TECPR1: variants seen among roughly 807,000 people sequenced by gnomAD.
TECPR1 encodes tectonin beta-propeller repeat containing 1, also known as tectonin beta-propeller repeat-containing protein 1.
A neutral mutation model predicts 162.4 loss-of-function variants in TECPR1; 122 were observed. That is an observed-to-expected ratio of 0.75 (90% CI 0.65 to 0.87). TECPR1 has a LOEUF of 0.87. Ranked by LOEUF, TECPR1 falls within the 40% of genes least tolerant of loss-of-function variation. The pLI is 0.00. For synonymous variants in TECPR1, 642 were observed against 670.6 expected (o/e 0.96, Z 0.66); for missense variants, 1,432 against 1,618.2 (o/e 0.88, Z 1.97).
intron 2 of TECPR1, 120 bp from the exon 3 acceptor site, chr7:98,246,285 T>C (rs1184742107): frequency 2.4e-5 from 15 of 631,766 alleles, no homozygotes; most frequent in South Asian, 2.2e-4. Flanking sequence ...TTTTTTTTTT[T>C]AGATGGAGTC....
intron 15 of TECPR1, among the ~76,000 whole-genome samples, chr7:98,230,154 G>A (rs549843713): frequency 6.6e-6 from 1 of 151,826 alleles, no homozygotes; most frequent in East Asian, 1.9e-4. Flanking sequence ...ATGACACCAT[G>A]CCTTGCTAAC....
intron 10 of TECPR1, among the ~76,000 whole-genome samples, chr7:98,235,342 G>A (rs916549750): frequency 2.0e-5 from 3 of 152,082 alleles, no homozygotes; most frequent in African/African-American, 4.8e-5. Context: ...TGGCTAACAC[G>A]GTGAAACCTG....
At chr7:98,224,668 C>T (rs1798229592) in intron 19 of TECPR1, 133 bp downstream of exon 19, 2 of 860,376 alleles carry the variant, frequency 2.3e-6, no homozygotes, top group Non-Finnish European at 3.5e-6. Context: ...AGGGCTGGCA[C>T]CAGGGGTCTG....
intron 11 of TECPR1, chr7:98,233,181 AG>A: frequency 1.3e-6 from 1 of 772,952 alleles, no homozygotes; most frequent in Non-Finnish European, 1.9e-6. Flanking sequence ...AGCACAGGGG[AG>A]GGGCTGCAGA....
At chr7:98,245,620 C>T (rs772630607) in intron 3 of TECPR1, among the ~76,000 whole-genome samples, 8 of 152,110 alleles carry the variant, frequency 5.3e-5, no homozygotes, top group South Asian at 2.1e-4. Context: ...TAAAGGTGCA[C>T]ACCACCACAC....
intron 8 of TECPR1, 146 bp downstream of exon 8, chr7:98,240,705 G>A: frequency 2.8e-6 from 2 of 709,874 alleles, no homozygotes; most frequent in Non-Finnish European, 4.5e-6. Flanking sequence ...GTGAGCCACT[G>A]CACCCGGCCT....
In TECPR1 at chr7:98,246,177, G is replaced by A. The variant is rs1164581943; in HGVS notation, c.-19-12C>T. 5.9e-6 allele frequency: 9 copies of A among 1,523,134 alleles called. No individual in the cohort carries two copies. The Admixed American group carries it at 5.9e-5, about 10-fold the overall frequency. 94.4% of individuals were successfully genotyped at this position (1,523,134 alleles called of 1,614,324 possible). On this transcript the variant is annotated splice_polypyrimidine_tract_variant and intron_variant, in intron 2 of 25. Transcript: ENST00000447648. ...CGGCTGGAGGTAACCTGCGGCAGGA[G>A]GACGAGGGCCAGCGTTCAGGCTCCC...
intron 2 of TECPR1, among the ~76,000 whole-genome samples, chr7:98,247,285 G>A (rs1484374404): frequency 6.6e-6 from 1 of 151,922 alleles, no homozygotes; most frequent in Admixed American, 6.6e-5. Flanking sequence ...CAACAGACAT[G>A]CACCACCATA....
At chr7:98,247,704 C>T (rs1232455954) in intron 2 of TECPR1, among the ~76,000 whole-genome samples, 1 of 152,018 alleles carries the variant, frequency 6.6e-6, no homozygotes, top group Non-Finnish European at 1.5e-5. Flanking sequence ...CCATTCTCTA[C>T]TCCTTTCTTT....
At chr7:98,230,639 G>A (rs1798406496) in intron 15 of TECPR1, among the ~76,000 whole-genome samples, 1 of 152,118 alleles carries the variant, frequency 6.6e-6, no homozygotes. Flanking sequence ...GTGGAGAGAC[G>A]TGGCTGCTTT....
rs202193266 is a variant in TECPR1 at position 98,241,212 on chromosome 7, G to A, written c.690C>T (p.Asn230=). 6.2e-6 allele frequency: 10 copies of A among 1,612,790 alleles called. No individual in the cohort carries two copies. The highest frequency in any genetic ancestry group is 2.2e-5 in the East Asian group (1 of 44,882). ...GCAGGGACCAGGAGGACCCTTCGGG[G>A]TTGGAGTGGCTGACGTCCTCTCTGT... is the stretch of plus-strand genomic sequence containing the variant. ...VWYREDVSHS[N]PEGSSWSLLD... The change falls in exon 7 of 26, where the codon AAC becomes AAT. Residue 230 remains asparagine, a synonymous_variant. Coordinates refer to ENST00000447648, the MANE Select transcript of TECPR1 (RefSeq NM_015395.3). This position sits in a 1 kb window ranked among gnomAD's most constrained non-coding sequence, Gnocchi z 5.0.
chr7:98,228,865 C>T (rs1798347056), intron 16 of TECPR1, 174 bp downstream of exon 16: 1 of 913,378 alleles, frequency 1.1e-6, no homozygotes, highest in East Asian at 2.7e-5. Flanking sequence ...GAAGTGGGTA[C>T]TGGCAGGGAC....
At chr7:98,237,227 C>T (rs1798628339) in intron 9 of TECPR1, among the ~76,000 whole-genome samples, 1 of 152,142 alleles carries the variant, frequency 6.6e-6, no homozygotes, top group South Asian at 2.1e-4. Context: ...GCCTCCCTGT[C>T]TTGCGTGTGC....
intron 11 of TECPR1, chr7:98,233,216 G>T: frequency 1.2e-6 from 1 of 811,392 alleles, no homozygotes; most frequent in Non-Finnish European, 1.8e-6. Flanking sequence ...ACTGGCCACC[G>T]TGCTTCCAGG....
At position 98,230,913 on chromosome 7, in the gene TECPR1, C is replaced by T. The variant is rs764678728; in HGVS notation, c.2282+48G>A. On this transcript the variant is annotated intron_variant, in intron 15 of 25. Transcript: ENST00000447648. ...GATCCCCCTTCTGTAACCACGAGCTCGGGGTGAGGCCAGGCCCCAGACCCC... is the reference window on the plus strand; with the variant it reads ...GATCCCCCTTCTGTAACCACGAGCTTGGGGTGAGGCCAGGCCCCAGACCCC... The T allele has an allele frequency of 1.1e-5, 17 of 1,575,248 alleles. No individual in the cohort carries two copies. The East Asian group carries it at 2.5e-4, about 23-fold the overall frequency.
intron 2 of TECPR1, among the ~76,000 whole-genome samples, chr7:98,248,680 GA>G (rs72145133): frequency 0.19 from 27,866 of 149,110 alleles, 2,724 homozygotes; most frequent in South Asian, 0.29. Flanking sequence ...CATCTTTACT[GA>G]AAAAAAAAGG....
chr7:98,243,399 T>G, intron 6 of TECPR1, 68 bp downstream of exon 6: 1 of 1,583,516 alleles, frequency 6.3e-7, no homozygotes, highest in Non-Finnish European at 8.6e-7. Flanking sequence ...ACCCAGGGGG[T>G]GCACAGGACA....
In TECPR1 at chr7:98,245,557, G is replaced by T. The variant is rs975064335; in HGVS notation, c.225+365C>A. Among the ~76,000 whole-genome samples, 38 of 152,122 alleles carry T rather than the reference G, an allele frequency of 2.5e-4. 1 individual carries two copies. Among genetic ancestry groups the T allele is most frequent in the Admixed American group, 2.0e-3 (31 of 15,274 alleles). On this transcript the variant is annotated intron_variant, in intron 3 of 25. Coordinates refer to ENST00000447648, the MANE Select transcript of TECPR1 (RefSeq NM_015395.3). The stretch of plus-strand genomic sequence containing the variant: ...CACGATTATGGCTCACTACAGCCTT[G>T]ACCTCCCTGGCTCAAGTGATCCTCC...
intron 8 of TECPR1, 54 bp from the exon 9 acceptor site, chr7:98,238,664 T>A: frequency 7.0e-7 from 1 of 1,433,766 alleles, no homozygotes; most frequent in Non-Finnish European, 9.6e-7. Flanking sequence ...AAACAGACGG[T>A]TCGTTCGTTT....
Sources: allele counts gnomAD v4.1 joint callset (sites outside exome capture counted in the v4.1 genomes callset), GRCh38; gene constraint gnomAD v4.1.1; non-coding constraint Gnocchi (gnomAD v3.1); transcripts MANE v1.5; gene names NCBI Gene and HGNC (gene_info 2026-07-23, HGNC 2026-07-21).